DUSP22: variants seen among roughly 807,000 people sequenced by gnomAD.
The protein encoded by DUSP22 is dual specificity phosphatase 22, also known as dual specificity protein phosphatase 22.
Under a neutral mutation model 24.5 loss-of-function variants are expected in DUSP22, and 24 were observed. The observed-to-expected ratio is 0.98, with a 90% CI of 0.71 to 1.38. The LOEUF (loss-of-function observed/expected upper bound fraction) is 1.38. Ranked by LOEUF, DUSP22 falls within the 40% of genes most tolerant of loss-of-function variation. The pLI, the probability that DUSP22 is intolerant of heterozygous loss-of-function variation, is 0.00. For missense variants in DUSP22, 330 were observed against 269.2 expected, an observed-to-expected ratio of 1.23 and a Z score of -1.58; for synonymous variants, 160 against 106.4, an observed-to-expected ratio of 1.50 and a Z score of -3.10.
At chr6:293,005 G>C (rs905909441) in intron 1 of DUSP22, among the ~76,000 whole-genome samples, 1 of 152,304 alleles carries the variant, frequency 6.6e-6, no homozygotes, top group Non-Finnish European at 1.5e-5. Flanking sequence ...CAGATTCTGT[G>C]TGTGTGCCTG....
intron 4 of DUSP22, among the ~76,000 whole-genome samples, chr6:344,142 G>A (rs1333740334): frequency 6.6e-6 from 1 of 152,068 alleles, no homozygotes; most frequent in South Asian, 2.1e-4. Context: ...GTGCCTCAGG[G>A]ACTTGGCACA....
intron 3 of DUSP22, among the ~76,000 whole-genome samples, chr6:321,826 G>GA (rs562112114): frequency 3.4e-4 from 52 of 152,404 alleles, no homozygotes; most frequent in African/African-American, 1.3e-3. Context: ...TCAGACTGGG[G>GA]AGTCAGGGAT....
chr6:307,051 T>A (rs1380012841), intron 2 of DUSP22, among the ~76,000 whole-genome samples: 2 of 152,306 alleles, frequency 1.3e-5, no homozygotes, highest in African/African-American at 4.8e-5. Context: ...GGCAGCTGGG[T>A]GGCATTGGCT....
At chr6:298,418 T>A (rs1245667414) in intron 1 of DUSP22, among the ~76,000 whole-genome samples, 2 of 152,306 alleles carry the variant, frequency 1.3e-5, no homozygotes, top group African/African-American at 4.8e-5. Context: ...CTTGGGCAGC[T>A]GCTTGCTCAG....
chr6:317,647 AT>A (rs1409645500), intron 3 of DUSP22, among the ~76,000 whole-genome samples: 27 of 152,280 alleles, frequency 1.8e-4, no homozygotes, highest in African/African-American at 6.3e-4. Flanking sequence ...TTAAGCATCC[AT>A]TTAACCTGTG....
At chr6:347,254 A>G (rs995865329) in intron 5 of DUSP22, among the ~76,000 whole-genome samples, 1 of 152,310 alleles carries the variant, frequency 6.6e-6, no homozygotes, top group African/African-American at 2.4e-5. Context: ...AAGAGCCACT[A>G]CTTGAGAGTG....
At chr6:310,797 T>C (rs1301365207) in intron 2 of DUSP22, among the ~76,000 whole-genome samples, 1 of 152,306 alleles carries the variant, frequency 6.6e-6, no homozygotes, top group African/African-American at 2.4e-5. Flanking sequence ...TAAGGTCATC[T>C]CTTACAAATG....
At chr6:309,828 G>A (rs557106951) in intron 2 of DUSP22, among the ~76,000 whole-genome samples, 251 of 152,320 alleles carry the variant, frequency 1.6e-3, no homozygotes, top group Non-Finnish European at 2.9e-3. Context: ...ATTTTTATAC[G>A]TTGGGTTTGT....
At chr6:340,952 ACT>A (rs1430297688) in intron 4 of DUSP22, among the ~76,000 whole-genome samples, 3 of 152,116 alleles carry the variant, frequency 2.0e-5, no homozygotes, top group African/African-American at 7.3e-5. Context: ...CTTTTCTTAG[ACT>A]CTCTGAAGGT....
At chr6:313,602 C>G (rs947815805) in intron 3 of DUSP22, among the ~76,000 whole-genome samples, 1 of 152,308 alleles carries the variant, frequency 6.6e-6, no homozygotes, top group East Asian at 1.9e-4. Flanking sequence ...GAAGTGCTAC[C>G]CCTTTTCTTC....
chr6:321,381 T>C (rs568595150), intron 3 of DUSP22, among the ~76,000 whole-genome samples: 36 of 152,420 alleles, frequency 2.4e-4, no homozygotes, highest in African/African-American at 8.4e-4. Flanking sequence ...CAAAGCCAGG[T>C]GACACATTCC....
At chr6:346,255 G>T (rs1450528370) in intron 5 of DUSP22, among the ~76,000 whole-genome samples, 1 of 152,304 alleles carries the variant, frequency 6.6e-6, no homozygotes, top group Non-Finnish European at 1.5e-5. Flanking sequence ...TCTTACAGAT[G>T]ACCCAGATTC....
intron 4 of DUSP22, among the ~76,000 whole-genome samples, chr6:335,841 G>A (rs993602322): frequency 1.2e-3 from 178 of 152,344 alleles, no homozygotes; most frequent in Middle Eastern, 3.4e-3. Context: ...AAGCCTGGCG[G>A]AGTGGAATGA....
intron 3 of DUSP22, among the ~76,000 whole-genome samples, chr6:324,402 G>A (rs1758753274): frequency 6.6e-6 from 1 of 152,294 alleles, no homozygotes; most frequent in Non-Finnish European, 1.5e-5. Context: ...CTGCTGCCGC[G>A]AACCTCAGGC....
At chr6:307,984 C>A (rs549905202) in intron 2 of DUSP22, among the ~76,000 whole-genome samples, 8 of 152,424 alleles carry the variant, frequency 5.2e-5, no homozygotes, top group Non-Finnish European at 2.9e-5. Flanking sequence ...TAACTGATAA[C>A]CTTCCTGTTG....
At chr6:332,910 G>A (rs895440073) in intron 3 of DUSP22, among the ~76,000 whole-genome samples, 9 of 152,414 alleles carry the variant, frequency 5.9e-5, no homozygotes, top group Non-Finnish European at 1.2e-4. Context: ...ACAAGCTTCT[G>A]GACTGATCGA....
intron 4 of DUSP22, among the ~76,000 whole-genome samples, chr6:344,690 G>T (rs1249012245): frequency 1.3e-5 from 2 of 152,302 alleles, no homozygotes; most frequent in Non-Finnish European, 2.9e-5. Context: ...TAAATGGCTT[G>T]TCCTGGGCCA....
At chr6:324,866 G>A (rs764058136) in intron 3 of DUSP22, among the ~76,000 whole-genome samples, 1 of 152,308 alleles carries the variant, frequency 6.6e-6, no homozygotes, top group Non-Finnish European at 1.5e-5. Flanking sequence ...CATCACCAGC[G>A]AGGGGCTCCG....
chr6:293,095 G>A (rs1395377502), intron 1 of DUSP22, among the ~76,000 whole-genome samples: 1 of 152,300 alleles, frequency 6.6e-6, no homozygotes, highest in Non-Finnish European at 1.5e-5. Flanking sequence ...TAGTGGGGAG[G>A]AGAGAAAAGA....
Sources: allele counts gnomAD v4.1 joint callset (sites outside exome capture counted in the v4.1 genomes callset), GRCh38; gene constraint gnomAD v4.1.1; transcripts MANE v1.5; gene names NCBI Gene and HGNC (gene_info 2026-07-23, HGNC 2026-07-21).